NREP: variants seen among roughly 807,000 people sequenced by gnomAD.
The protein encoded by NREP is neuronal regeneration related protein.
NREP carries 5 observed loss-of-function variants against 8.6 expected under a neutral mutation model. The ratio of observed to expected loss-of-function variants is 0.58; its 90% CI spans 0.30 to 1.22. The LOEUF (loss-of-function observed/expected upper bound fraction) is 1.22. Among genes scored for constraint, NREP ranks in the 50% most tolerant of loss-of-function variants. The pLI is 0.07. For synonymous variants in NREP, 27 were observed against 28.0 expected (o/e 0.96, Z 0.11); for missense variants, 86 against 82.5 (o/e 1.04, Z -0.17).
chr5:111,733,815 T>C (rs1748842897), intron 3 of NREP: 2 of 152,156 alleles, frequency 1.3e-5, no homozygotes, highest in Non-Finnish European at 2.9e-5. Flanking sequence ...CCAGTTAATG[T>C]GCCTCGGGGT....
intron 2 of NREP, among the ~76,000 whole-genome samples, chr5:111,892,947 C>G (rs1056183355): frequency 4.6e-5 from 7 of 152,132 alleles, no homozygotes; most frequent in African/African-American, 1.7e-4. Flanking sequence ...ATTAAGCAAA[C>G]CAAGCATTAA....
At chr5:111,879,283 G>C (rs1022468121) in intron 2 of NREP, among the ~76,000 whole-genome samples, 1 of 152,146 alleles carries the variant, frequency 6.6e-6, no homozygotes, top group African/African-American at 2.4e-5. Flanking sequence ...AGGTTACCCA[G>C]TCACAAGTAT....
chr5:111,799,550 G>C (rs537570369), intron 2 of NREP, among the ~76,000 whole-genome samples: 1 of 152,018 alleles, frequency 6.6e-6, no homozygotes, highest in African/African-American at 2.4e-5. Context: ...TCCCTTTTTT[G>C]TATTCTTGTT....
intron 2 of NREP, among the ~76,000 whole-genome samples, chr5:111,777,843 T>C (rs1751401412): frequency 6.6e-6 from 1 of 152,106 alleles, no homozygotes; most frequent in Admixed American, 6.5e-5. Flanking sequence ...ATTCTCCTAG[T>C]AGGTCCCATC....
chr5:111,743,788 A>G (rs2112821405), intron 2 of NREP, among the ~76,000 whole-genome samples: 1 of 152,268 alleles, frequency 6.6e-6, no homozygotes, highest in South Asian at 2.1e-4. Context: ...AATAATTTTA[A>G]GTTTGCTATG....
intron 2 of NREP, among the ~76,000 whole-genome samples, chr5:111,838,703 TG>T (rs1443068608): frequency 6.6e-6 from 1 of 151,858 alleles, no homozygotes; most frequent in African/African-American, 2.4e-5. Flanking sequence ...AAATTCATGA[TG>T]ATATATATAT....
At chr5:111,829,530 A>C (rs1369227727) in intron 2 of NREP, among the ~76,000 whole-genome samples, 1 of 152,162 alleles carries the variant, frequency 6.6e-6, no homozygotes, top group Non-Finnish European at 1.5e-5. Flanking sequence ...AGTTCCCTTT[A>C]GGTTTTTGAC....
intron 2 of NREP, among the ~76,000 whole-genome samples, chr5:111,903,826 A>C (rs1421270608): frequency 6.6e-5 from 10 of 152,180 alleles, no homozygotes; most frequent in Admixed American, 5.9e-4. Context: ...TTCACCAAGC[A>C]AAGTTTATTC....
intron 2 of NREP, among the ~76,000 whole-genome samples, chr5:111,810,056 A>G (rs1254487965): frequency 6.6e-6 from 1 of 152,128 alleles, no homozygotes; most frequent in East Asian, 1.9e-4. Context: ...AAAAGACTAA[A>G]TGGGATATTA....
intron 2 of NREP, among the ~76,000 whole-genome samples, chr5:111,806,737 ATGCAGT>A (rs138743314): frequency 0.2 from 30,878 of 151,846 alleles, 4,174 homozygotes; most frequent in East Asian, 0.49. Flanking sequence ...TAAAGGAAGG[ATGCAGT>A]TCTCTGTTAC....
At chr5:111,786,304 A>C (rs1751607425) in intron 2 of NREP, among the ~76,000 whole-genome samples, 1 of 152,142 alleles carries the variant, frequency 6.6e-6, no homozygotes, top group Admixed American at 6.5e-5. Context: ...GAGGCCTCCC[A>C]GCCATGTGGA....
intron 2 of NREP, among the ~76,000 whole-genome samples, chr5:111,868,142 A>C (rs1753709633): frequency 6.6e-6 from 1 of 152,132 alleles, no homozygotes; most frequent in Non-Finnish European, 1.5e-5. Context: ...TCTTTATCTC[A>C]TTTCATTATG....
intron 2 of NREP, among the ~76,000 whole-genome samples, chr5:111,945,494 G>A (rs1755952223): frequency 9.4e-6 from 1 of 105,826 alleles, no homozygotes. Flanking sequence ...AGGAAGAGAA[G>A]AAAGGATAAA....
chr5:111,822,685 C>T (rs1411424485), intron 2 of NREP, among the ~76,000 whole-genome samples: 2 of 152,124 alleles, frequency 1.3e-5, no homozygotes, highest in East Asian at 1.9e-4. Context: ...GGATAATGTC[C>T]ACCATGTAAA....
chr5:111,879,213 T>C (rs1036871590), intron 2 of NREP, among the ~76,000 whole-genome samples: 5 of 152,186 alleles, frequency 3.3e-5, no homozygotes, highest in African/African-American at 1.2e-4. Flanking sequence ...AGTATAAGCT[T>C]GCTGGGGCCT....
chr5:111,845,416 A>G (rs1269702343), intron 2 of NREP, among the ~76,000 whole-genome samples: 2 of 152,052 alleles, frequency 1.3e-5, no homozygotes, highest in East Asian at 1.9e-4. Flanking sequence ...GGCAACTCCT[A>G]TTCTGCCATC....
At chr5:111,766,408 C>A (rs1183079702) in intron 2 of NREP, among the ~76,000 whole-genome samples, 1 of 152,174 alleles carries the variant, frequency 6.6e-6, no homozygotes, top group Non-Finnish European at 1.5e-5. Flanking sequence ...TTAAAACCTC[C>A]AGCTATAATC....
chr5:111,890,320 G>T (rs1411670333), intron 2 of NREP, among the ~76,000 whole-genome samples: 2 of 152,224 alleles, frequency 1.3e-5, no homozygotes. Flanking sequence ...CTATGGCTTT[G>T]TACTGTTCAG....
chr5:111,839,268 C>G (rs1486809606), intron 2 of NREP, among the ~76,000 whole-genome samples: 1 of 152,080 alleles, frequency 6.6e-6, no homozygotes, highest in Non-Finnish European at 1.5e-5. Context: ...ATGTGGTTGT[C>G]TCTCACTAGC....
Sources: allele counts gnomAD v4.1 joint callset (sites outside exome capture counted in the v4.1 genomes callset), GRCh38; gene constraint gnomAD v4.1.1; transcripts MANE v1.5; gene names NCBI Gene and HGNC (gene_info 2026-07-23, HGNC 2026-07-21).